SORBS2: variants seen among roughly 807,000 people sequenced by gnomAD.
The protein encoded by SORBS2 is sorbin and SH3 domain containing 2, also known as sorbin and SH3 domain-containing protein 2.
SORBS2 carries 46 observed loss-of-function variants against 97.7 expected under a neutral mutation model. That is an observed-to-expected ratio of 0.47 (90% CI 0.37 to 0.60). The LOEUF is 0.60. SORBS2 is among the 20% of genes least tolerant of loss of function. The pLI, the probability that SORBS2 is intolerant of heterozygous loss-of-function variation, is 0.00. For missense variants in SORBS2, 1,316 were observed against 1,282.3 expected, an observed-to-expected ratio of 1.03 and a Z score of -0.40; for synonymous variants, 476 against 473.4, an observed-to-expected ratio of 1.01 and a Z score of -0.07.
intron 12 of SORBS2, among the ~76,000 whole-genome samples, chr4:185,600,007 G>A (rs1286841533): frequency 6.6e-6 from 1 of 152,188 alleles, no homozygotes; most frequent in Non-Finnish European, 1.5e-5. Flanking sequence ...GACATCACTG[G>A]GCTACGAGGA....
chr4:185,946,694 T>C (rs558066110), intron 1 of SORBS2, among the ~76,000 whole-genome samples: 1 of 152,352 alleles, frequency 6.6e-6, no homozygotes, highest in East Asian at 1.9e-4. Context: ...AATATATTAA[T>C]GGAATAAATT....
rs535074837 is a variant in SORBS2 at position 185,826,390 on chromosome 4, C to G, written c.-337-51024G>C. Reference sequence around the variant, plus strand: ...TCTACGATCACCACAAATCCAGGACCTGAGCAGAGCCTATCAGCATGTCAT... The same window carrying G: ...TCTACGATCACCACAAATCCAGGACGTGAGCAGAGCCTATCAGCATGTCAT... On this transcript the variant is annotated intron_variant, in intron 1 of 20. Coordinates refer to the SORBS2 transcript ENST00000284776. 3.3e-5 allele frequency among the ~76,000 whole-genome samples: 5 copies of G among 152,314 alleles called. No homozygotes were observed. In the South Asian group the frequency reaches 6.2e-4, roughly 19 times the overall value.
At position 185,606,149 on chromosome 4, in the gene SORBS2, A is replaced by C. The variant is rs2096413047; in HGVS notation, c.2796+5631T>G. 2.0e-6 allele frequency: 2 copies of C among 985,416 alleles called. No homozygotes were observed. Among genetic ancestry groups the C allele is most frequent in the Non-Finnish European group, 2.4e-6 (2 of 829,914 alleles). The allele number at this position is 985,416 out of a possible 1,614,324, so 61.0% of individuals were successfully genotyped here. A position where few individuals can be genotyped will look rare whatever the true frequency, so the allele number is the denominator to read the frequency against. ...ATGGTGTACAGTTTCTCATCCTGGA[A>C]TAGGACAAATTTCTGGGCATCAACT... On this transcript the variant is annotated intron_variant, in intron 12 of 14. Coordinates refer to ENST00000418609, the Ensembl canonical transcript of SORBS2. This position sits in a 1 kb window ranked among gnomAD's most constrained non-coding sequence, Gnocchi z 4.3.
intron 1 of SORBS2, among the ~76,000 whole-genome samples, chr4:185,778,404 T>A (rs879748532): frequency 6.6e-6 from 1 of 152,082 alleles, no homozygotes; most frequent in African/African-American, 2.4e-5. Context: ...AAAAAAGTAG[T>A]CCACGGACCA....
At chr4:185,707,514 T>C (rs746163375) in intron 2 of SORBS2, among the ~76,000 whole-genome samples, 1 of 20,868 alleles carries the variant, frequency 4.8e-5, no homozygotes, top group Non-Finnish European at 3.0e-4. Flanking sequence ...AACATCTTTG[T>C]TTTTTTTTTT....
chr4:185,866,917 G>A (rs1283926201), intron 1 of SORBS2, among the ~76,000 whole-genome samples: 1 of 118,242 alleles, frequency 8.5e-6, no homozygotes, highest in Non-Finnish European at 1.9e-5. Flanking sequence ...TCTGAGTTAT[G>A]AGAAAATAAC....
chr4:185,907,718 A>G (rs149873507), intron 1 of SORBS2, among the ~76,000 whole-genome samples: 3 of 152,306 alleles, frequency 2.0e-5, no homozygotes, highest in African/African-American at 7.2e-5. Flanking sequence ...ATAGGTATAG[A>G]TACGGAACTC....
At chr4:185,724,946 G>GAT (rs1225604748) in intron 2 of SORBS2, among the ~76,000 whole-genome samples, 1 of 152,166 alleles carries the variant, frequency 6.6e-6, no homozygotes, top group Non-Finnish European at 1.5e-5. Flanking sequence ...TGAGATTAAG[G>GAT]ATAGTGTCTT....
At position 185,727,517 on chromosome 4, in the gene SORBS2, T is replaced by G. The variant is rs77338480; in HGVS notation, c.-198+47710A>C. On this transcript the variant is annotated intron_variant, in intron 2 of 20. Transcript: ENST00000284776. ...CTGAAATCAGTGACAGGTTAATAAC[T>G]TTGTTATCAGATTACTAAATTAAGC... Among the ~76,000 whole-genome samples, 490 of 152,366 alleles carry G rather than the reference T, an allele frequency of 3.2e-3. 3 individuals carry two copies. The highest frequency in any genetic ancestry group is 0.011 in the African/African-American group (476 of 41,590).
At chr4:185,779,202 G>A (rs1280387477) in intron 1 of SORBS2, among the ~76,000 whole-genome samples, 1 of 149,262 alleles carries the variant, frequency 6.7e-6, no homozygotes, top group Non-Finnish European at 1.5e-5. Flanking sequence ...AGTAGAGTCT[G>A]GAGTCAGGGT....
At chr4:185,790,399 C>T (rs750995324) in intron 1 of SORBS2, among the ~76,000 whole-genome samples, 2 of 152,176 alleles carry the variant, frequency 1.3e-5, no homozygotes, top group African/African-American at 2.4e-5. Flanking sequence ...CCAATTCTCA[C>T]TCACATGATA....
intron 1 of SORBS2, among the ~76,000 whole-genome samples, chr4:185,834,857 A>C (rs1262387168): frequency 6.6e-6 from 1 of 152,196 alleles, no homozygotes; most frequent in East Asian, 1.9e-4. Flanking sequence ...CTAACATGCA[A>C]AGTTATAAAA....
intron 5 of SORBS2, among the ~76,000 whole-genome samples, 193 bp from the exon 18 acceptor site, chr4:185,627,212 C>T (rs1294125825): frequency 1.3e-5 from 2 of 152,044 alleles, no homozygotes; most frequent in African/African-American, 2.4e-5. Context: ...ATGAATAGAC[C>T]TTATTATTTA....
intron 4 of SORBS2, chr4:185,639,031 G>A (rs1460085448): frequency 3.3e-6 from 5 of 1,514,606 alleles, no homozygotes; most frequent in Non-Finnish European, 4.4e-6. Context: ...TGTTGGGAGA[G>A]GGGGCTGCAA....
intron 1 of SORBS2, among the ~76,000 whole-genome samples, chr4:185,785,291 T>C (rs1007765477): frequency 6.6e-6 from 1 of 151,908 alleles, no homozygotes; most frequent in Admixed American, 6.6e-5. Context: ...TCAGTCATAA[T>C]GGAGGGGAAG....
intron 1 of SORBS2, among the ~76,000 whole-genome samples, chr4:185,787,698 T>G (rs1391808954): frequency 6.6e-6 from 1 of 152,210 alleles, no homozygotes; most frequent in Admixed American, 6.5e-5. Context: ...CCACTTTGGG[T>G]ACTCTTGGGT....
chr4:185,879,112 G>A (rs1048059457), intron 1 of SORBS2, among the ~76,000 whole-genome samples: 1 of 148,068 alleles, frequency 6.8e-6, no homozygotes, highest in African/African-American at 2.5e-5. Context: ...ATGTTGGTGT[G>A]CTGCACCCAT....
intron 1 of SORBS2, among the ~76,000 whole-genome samples, chr4:185,835,926 ATC>A (rs1459103679): frequency 6.6e-6 from 1 of 152,074 alleles, no homozygotes; most frequent in Non-Finnish European, 1.5e-5. Flanking sequence ...TGACATGATA[ATC>A]CAGCTTATTG....
At position 185,827,935 on chromosome 4, in the gene SORBS2, C is replaced by CCAT. The variant is rs539610381; in HGVS notation, c.-337-52572_-337-52570dup. On this transcript the variant is annotated intron_variant, in intron 1 of 20. Coordinates refer to the SORBS2 transcript ENST00000284776. ...ATCATCATCATCATCACCATCATCA[C>CCAT]CATCATCATCATCATCATCGTCACC... 5.7e-3 allele frequency among the ~76,000 whole-genome samples: 786 copies of CCAT among 137,576 alleles called. 8 individuals carry two copies. Among genetic ancestry groups the CCAT allele is most frequent in the African/African-American group, 0.021 (723 of 34,480 alleles). The allele number at this position is 137,576 out of a possible 152,430, so 90.3% of individuals were successfully genotyped here.
Sources: allele counts gnomAD v4.1 joint callset (sites outside exome capture counted in the v4.1 genomes callset), GRCh38; gene constraint gnomAD v4.1.1; non-coding constraint Gnocchi (gnomAD v3.1); transcripts MANE v1.5; gene names NCBI Gene and HGNC (gene_info 2026-07-23, HGNC 2026-07-21).